The following CENPC variants were observed in gnomAD, a reference collection of about 807,000 sequenced individuals.
CENPC encodes centromere protein C.
A neutral mutation model predicts 112.1 loss-of-function variants in CENPC; 63 were observed. That is an observed-to-expected ratio of 0.56 (90% CI 0.46 to 0.69). The LOEUF is 0.69. Ranked by LOEUF, CENPC falls within the 30% of genes least tolerant of loss-of-function variation. The pLI is 0.00. For missense variants in CENPC, 1,000 were observed against 1,103.8 expected, an observed-to-expected ratio of 0.91 and a Z score of 1.33; for synonymous variants, 333 against 367.6, an observed-to-expected ratio of 0.91 and a Z score of 1.08.
In CENPC at chr4:67,512,441, TG is replaced by T; in HGVS notation, c.1572del (p.Arg525GlyfsTer9). 1 of 1,600,750 alleles carries T rather than the reference TG, an allele frequency of 6.2e-7. No homozygotes were observed. Among genetic ancestry groups the T allele is most frequent in the Middle Eastern group, 1.7e-4 (1 of 5,990 alleles). The part of the protein sequence containing the change: ...TSTVTKSRRI[S>X]RRPSDWWVVK... Reference sequence around the variant, plus strand: ...ACCACCCACCAATCAGATGGACGCCTGGAAATTCTTCGACTTTTCGTGACAG... The same window carrying T: ...ACCACCCACCAATCAGATGGACGCCTGAAATTCTTCGACTTTTCGTGACAG... On this transcript the variant is annotated frameshift_variant, in exon 9 of 19. Coordinates refer to ENST00000273853, the MANE Select transcript of CENPC (RefSeq NM_001812.4). LOFTEE classifies it high-confidence loss of function.
In CENPC at chr4:67,514,421, T is replaced by C. The variant is rs780834899; in HGVS notation, c.1097A>G (p.Lys366Arg). 107 of 1,613,494 alleles carry C rather than the reference T, an allele frequency of 6.6e-5. No individual in the cohort carries two copies. Among genetic ancestry groups the C allele is most frequent in the Non-Finnish European group, 8.9e-5 (105 of 1,179,878 alleles). The change falls in exon 8 of 19, where the codon AAA becomes AGA. Residue 366 changes from lysine (K) to arginine (R), a missense_variant. Transcript: ENST00000273853. ...KTLANDKHSH[K>R]PHPVETSQPS... The stretch of plus-strand genomic sequence containing the variant: ...CTGAGATGTCTCTACTGGGTGAGGT[T>C]TATGGGAATGTTTGTCATTTGCCAA...
chr4:67,475,621 T>C (rs1724783108), intron 17 of CENPC, among the ~76,000 whole-genome samples: 1 of 152,194 alleles, frequency 6.6e-6, no homozygotes, highest in Admixed American at 6.5e-5. Flanking sequence ...TTTTTTGAGA[T>C]GGAGTCTCAC....
chr4:67,505,009 C>G (rs1725694958), intron 12 of CENPC, 196 bp downstream of exon 12: 1 of 553,114 alleles, frequency 1.8e-6, no homozygotes, highest in Admixed American at 3.7e-5. Flanking sequence ...TCATTATGTT[C>G]TACTTAAAAA....
intron 12 of CENPC, among the ~76,000 whole-genome samples, chr4:67,497,279 G>C (rs1469008837): frequency 6.6e-6 from 1 of 151,938 alleles, no homozygotes; most frequent in African/African-American, 2.4e-5. Context: ...TCAGGAGGTT[G>C]AGGCAGGAGA....
intron 12 of CENPC, among the ~76,000 whole-genome samples, chr4:67,498,537 T>C (rs911890512): frequency 1.3e-5 from 2 of 152,238 alleles, no homozygotes; most frequent in African/African-American, 4.8e-5. Flanking sequence ...TCCTTTTTTG[T>C]CATTTCAAGG....
chr4:67,544,180 C>T lies in CENPC; in HGVS notation c.34G>A (p.Gly12Ser). 6.4e-7 allele frequency: 1 copy of T among 1,562,176 alleles called. No individual in the cohort carries two copies. The highest frequency in any genetic ancestry group is 8.8e-7 in the Non-Finnish European group (1 of 1,134,240). Reference sequence around the variant, plus strand: ...GGTCGACAAAATCTTCTTCTGTAGCCATTTTTGAGATGATCCTGAAAGAAA... The same window carrying T: ...GGTCGACAAAATCTTCTTCTGTAGCTATTTTTGAGATGATCCTGAAAGAAA... The part of the protein sequence containing the change: ...AASGLDHLKN[G>S]YRRRFCRPSR... The change falls in exon 2 of 19, where the codon GGC (glycine) becomes AGC (serine). Residue 12 changes from glycine (G) to serine (S), a missense_variant. Physicochemically the swap from Gly to Ser is moderately conservative, Grantham distance 56. Transcript: ENST00000273853.
chr4:67,487,282 T>C (rs1007264947), intron 17 of CENPC, among the ~76,000 whole-genome samples: 36 of 149,418 alleles, frequency 2.4e-4, no homozygotes, highest in African/African-American at 8.7e-4. Context: ...GTGAGTTGGC[T>C]TCCTAGAATC....
Position 67,509,056 on chromosome 4 carries a change from G to A in CENPC, c.1662C>T (p.His554=). 6.2e-7 allele frequency: 1 copy of A among 1,611,056 alleles called. No homozygotes were observed. Among genetic ancestry groups the A allele is most frequent in the Non-Finnish European group, 8.5e-7 (1 of 1,179,140 alleles). Residue 554 remains histidine, a synonymous_variant, in exon 10 of 19, where the codon CAC becomes CAT. Transcript: ENST00000273853. ...TCTTAGTAGATTTTCGGCTACTATT[G>A]TGATGCATTGGTAATTCATTTCTTA... ...SSVRNELPMH[H]NSSRKSTKKT...
At position 67,472,601 on chromosome 4, in the gene CENPC, T is replaced by G. The variant is rs746222121; in HGVS notation, c.*4A>C. ...CATACATATATTTAAGGTTGGTTGA[T>G]CTTTCATCTTTTTATCTGAGTAAAA... On this transcript the variant is annotated 3_prime_UTR_variant, in exon 19 of 19. Transcript: ENST00000273853. 2.7e-4 allele frequency: 407 copies of G among 1,498,360 alleles called. No homozygotes were observed. The highest frequency in any genetic ancestry group is 3.5e-4 in the Non-Finnish European group (394 of 1,129,508). 92.8% of individuals were successfully genotyped at this position (1,498,360 alleles called of 1,614,324 possible). A position where few individuals can be genotyped will look rare whatever the true frequency, so the allele number is the denominator to read the frequency against.
intron 18 of CENPC, among the ~76,000 whole-genome samples, chr4:67,473,364 GAC>G (rs1724721023): frequency 6.6e-6 from 1 of 152,186 alleles, no homozygotes; most frequent in African/African-American, 2.4e-5. Flanking sequence ...CTATCACTGT[GAC>G]TTTCTATATA....
At chr4:67,537,098 A>C (rs1422324399) in intron 4 of CENPC, among the ~76,000 whole-genome samples, 2 of 151,930 alleles carry the variant, frequency 1.3e-5, no homozygotes, top group African/African-American at 4.8e-5. Flanking sequence ...ATAACTGTAG[A>C]TCCTACAGAC....
intron 5 of CENPC, among the ~76,000 whole-genome samples, chr4:67,521,053 A>G (rs1301666752): frequency 1.3e-5 from 2 of 150,986 alleles, no homozygotes; most frequent in Non-Finnish European, 2.9e-5. Flanking sequence ...AAATAAATAA[A>G]TAACACAGGA....
intron 10 of CENPC, 60 bp from the exon 11 acceptor site, chr4:67,506,994 A>G: frequency 7.8e-7 from 1 of 1,278,932 alleles, no homozygotes; most frequent in Non-Finnish European, 1.1e-6. Flanking sequence ...TTTCTTCCAG[A>G]AACGATACAC....
intron 12 of CENPC, among the ~76,000 whole-genome samples, chr4:67,495,779 T>C (rs1449539451): frequency 1.3e-5 from 2 of 152,220 alleles, no homozygotes; most frequent in Non-Finnish European, 2.9e-5. Context: ...TCTGTAACTT[T>C]CTCTTTAAAG....
chr4:67,529,254 T>C (rs543977720), intron 5 of CENPC, among the ~76,000 whole-genome samples: 1 of 152,212 alleles, frequency 6.6e-6, no homozygotes, highest in African/African-American at 2.4e-5. Flanking sequence ...TTCAGGTAAA[T>C]TATTTGCAAA....
In CENPC at chr4:67,492,868, C is replaced by T. The variant is rs1398903346; in HGVS notation, c.2419+1G>A. On this transcript the variant is annotated splice_donor_variant, in intron 15 of 18. Coordinates refer to ENST00000273853, the MANE Select transcript of CENPC (RefSeq NM_001812.4). LOFTEE classifies it high-confidence loss of function. The stretch of plus-strand genomic sequence containing the variant: ...AGTTACTTTCAGAAATAAGTTCATA[C>T]TTCTTTCATCGTTATCAAGACAGAT... The T allele has an allele frequency of 2.6e-6, 4 of 1,549,924 alleles. No homozygotes were observed. Among genetic ancestry groups the T allele is most frequent in the Non-Finnish European group, 3.5e-6 (4 of 1,144,496 alleles).
intron 10 of CENPC, among the ~76,000 whole-genome samples, chr4:67,508,511 C>CT (rs1389838553): frequency 4.7e-5 from 1 of 21,396 alleles, no homozygotes; most frequent in East Asian, 1.1e-3. Context: ...GACTCTGTCT[C>CT]TTAAAAAAAA....
chr4:67,469,537 G>A lies in CENPC; in HGVS notation c.*3068C>T, dbSNP rs1353015633. The A allele has an allele frequency of 6.6e-6, 1 of 152,296 alleles. No individual in the cohort carries two copies. Among genetic ancestry groups the A allele is most frequent in the Non-Finnish European group, 1.5e-5 (1 of 68,168 alleles). 9.4% of individuals were successfully genotyped at this position (152,296 alleles called of 1,614,324 possible). On this transcript the variant is annotated 3_prime_UTR_variant, in exon 19 of 19. Coordinates refer to ENST00000273853, the MANE Select transcript of CENPC (RefSeq NM_001812.4). ...ACTTTTGTATTTTAGTAGAGACGGG[G>A]TTTCACCATGTTAGCCAGGCTGGTC...
chr4:67,475,245 A>C (rs566908124), intron 17 of CENPC, among the ~76,000 whole-genome samples: 2 of 152,350 alleles, frequency 1.3e-5, no homozygotes, highest in South Asian at 4.1e-4. Context: ...GAAACGAAAG[A>C]GAAGGAACAG....
Sources: gnomAD v4.1 joint callset for allele counts (sites outside exome capture counted in the v4.1 genomes callset) on GRCh38, gnomAD v4.1.1 for gene constraint, MANE v1.5 for transcripts, NCBI Gene and HGNC (gene_info 2026-07-23, HGNC 2026-07-21) for gene names.